Variants in DMD observed in about 807,000 individuals in gnomAD.
DMD encodes the protein dystrophin.
A neutral mutation model predicts 330.1 loss-of-function variants in DMD; 63 were observed. The observed-to-expected ratio is 0.19, with a 90% CI of 0.16 to 0.24. The LOEUF is 0.24. DMD is among the 10% of genes least tolerant of loss of function. DMD has a pLI of 1.00. For synonymous variants in DMD, 1,223 were observed against 959.8 expected (o/e 1.27, Z -5.07); for missense variants, 3,344 against 2,684.1 (o/e 1.25, Z -5.43).
intron 1 of DMD, among the ~76,000 whole-genome samples, chrX:33,155,212 C>A (rs2048447565): frequency 8.9e-6 from 1 of 111,751 alleles, no homozygotes; most frequent in African/African-American, 3.3e-5. Context: ...GGGAAAAATT[C>A]TCCTTTGGTG....
chrX:31,277,204 T>G (rs778711417), intron 62 of DMD, among the ~76,000 whole-genome samples: 15 of 111,362 alleles, frequency 1.3e-4, no homozygotes, highest in African/African-American at 4.9e-4. Flanking sequence ...AAATCTACTC[T>G]CTTAGCAATT....
chrX:31,169,686 A>G (rs2148186021), intron 73 of DMD, 85 bp from the exon 74 acceptor site: 3 of 898,644 alleles, frequency 3.3e-6, no homozygotes, highest in East Asian at 6.8e-5. Context: ...ATTTGAAAAT[A>G]GAAACATTTA....
chrX:33,299,138 T>C (rs1327924845), intron 1 of DMD, among the ~76,000 whole-genome samples: 1 of 112,029 alleles, frequency 8.9e-6, no homozygotes, highest in Non-Finnish European at 1.9e-5. Flanking sequence ...ATAAGCAAGG[T>C]CTGCAAATTT....
At chrX:32,697,768 G>A in intron 9 of DMD, 102 bp downstream of exon 9, 1 of 1,089,600 alleles carries the variant, frequency 9.2e-7, no homozygotes, top group Admixed American at 2.4e-5. Flanking sequence ...CTCTTCACGA[G>A]GAGATAAAAG....
intron 37 of DMD, among the ~76,000 whole-genome samples, chrX:32,360,675 T>G (rs2097829061): frequency 9.2e-6 from 1 of 108,621 alleles, no homozygotes; most frequent in Non-Finnish European, 1.9e-5. Flanking sequence ...TAATCCCAGC[T>G]ACTTGGGAGG....
Position 32,715,390 on chromosome X carries a change from T to C in DMD, c.650-16097A>G, listed in dbSNP as rs1367109367. 4.1e-5 allele frequency among the ~76,000 whole-genome samples: 4 copies of C among 98,449 alleles called. No homozygotes were observed. In the East Asian group the frequency reaches 1.3e-3, roughly 31 times the overall value. The allele number at this position is 98,449 out of a possible 115,157, so 85.5% of individuals were successfully genotyped here. On this transcript the variant is annotated intron_variant, in intron 7 of 78. Coordinates refer to ENST00000357033, the MANE Select transcript of DMD (RefSeq NM_004006.3). ...TATTCAGGAGGCTGAGGCAGGAGAA[T>C]CTCTTAAAGCCAGGAAGTGGAGGTT... is the stretch of plus-strand genomic sequence containing the variant.
chrX:32,297,140 T>C (rs1273112367), intron 42 of DMD, among the ~76,000 whole-genome samples: 1 of 111,626 alleles, frequency 9.0e-6, no homozygotes, highest in South Asian at 3.7e-4. Flanking sequence ...TACTATCTTC[T>C]AGGTTTCTCT....
intron 54 of DMD, among the ~76,000 whole-genome samples, chrX:31,657,097 T>C (rs762422668): frequency 8.9e-6 from 1 of 112,145 alleles, no homozygotes; most frequent in African/African-American, 3.2e-5. Context: ...TTGTTAAAAA[T>C]CACCGAGCTT....
chrX:32,320,549 G>A lies in DMD; in HGVS notation c.5923-10273C>T, dbSNP rs1035062621. Among the ~76,000 whole-genome samples, 9 of 111,227 alleles carry A rather than the reference G, an allele frequency of 8.1e-5. No individual in the cohort carries two copies. The Admixed American group carries it at 8.7e-4, about 11-fold the overall frequency. On this transcript the variant is annotated intron_variant, in intron 41 of 78. Transcript: ENST00000357033. ...GCCATCATCTCAGAAAGTTCTATAG[G>A]ACAGTGCTAATCTAGAGAATGACAA...
At chrX:31,147,025 T>C (rs1333485583) in intron 75 of DMD, among the ~76,000 whole-genome samples, 1 of 111,785 alleles carries the variant, frequency 8.9e-6, no homozygotes, top group Non-Finnish European at 1.9e-5. Context: ...GGCGTTTTTT[T>C]CCCCAAGATG....
rs916042350 is a variant in DMD, at chrX:33,083,643, G to T, written c.32-63443C>A. Among the ~76,000 whole-genome samples the T allele has an allele frequency of 2.3e-4, 26 of 111,669 alleles. 1 individual carries two copies. The highest frequency in any genetic ancestry group is 5.6e-5 in the Non-Finnish European group (3 of 53,136). ...ATCCCTTTCACATATTTAAACACAT[G>T]CAAAGACAAGAGGGACAGAAGGCCT... On this transcript the variant is annotated intron_variant, in intron 1 of 78. Transcript: ENST00000357033.
At chrX:32,863,993 A>T (rs2082290167) in intron 2 of DMD, among the ~76,000 whole-genome samples, 1 of 112,603 alleles carries the variant, frequency 8.9e-6, no homozygotes, top group Non-Finnish European at 1.9e-5. Flanking sequence ...TTTAAAGAAG[A>T]TCTTCTGTCA....
chrX:33,199,818 T>A (rs2051163830), intron 1 of DMD, among the ~76,000 whole-genome samples: 1 of 111,003 alleles, frequency 9.0e-6, no homozygotes, highest in African/African-American at 3.3e-5. Flanking sequence ...AGTGCACAGA[T>A]CTTAAAGACG....
At chrX:32,510,955 C>T (rs1329431328) in intron 18 of DMD, among the ~76,000 whole-genome samples, 3 of 109,916 alleles carry the variant, frequency 2.7e-5, no homozygotes, top group Admixed American at 1.9e-4. Flanking sequence ...TTTCATGGCT[C>T]TGATCTTCCA....
chrX:32,862,349 C>A (rs2082132650), intron 2 of DMD, among the ~76,000 whole-genome samples: 2 of 111,982 alleles, frequency 1.8e-5, no homozygotes, highest in Admixed American at 1.9e-4. Context: ...AACAGATGTG[C>A]ATTCGAACTT....
At chrX:33,013,036 C>CAACCCCCCCT (rs748810487) in intron 2 of DMD, among the ~76,000 whole-genome samples, 2 of 110,724 alleles carry the variant, frequency 1.8e-5, no homozygotes, top group African/African-American at 3.3e-5. Flanking sequence ...TCACTGTCTC[C>CAACCCCCCCT]AACCCCCCTG....
intron 1 of DMD, among the ~76,000 whole-genome samples, chrX:33,020,537 G>A (rs752280410): frequency 9.0e-6 from 1 of 111,533 alleles, no homozygotes; most frequent in East Asian, 2.8e-4. Flanking sequence ...AGCCAGGCAT[G>A]GTGGCATGCA....
chrX:32,500,440 C>T (rs2043936072), intron 19 of DMD, among the ~76,000 whole-genome samples: 1 of 111,444 alleles, frequency 9.0e-6, no homozygotes, highest in South Asian at 3.7e-4. Flanking sequence ...CCCGTAATTT[C>T]TAAATGTTTA....
At position 31,706,676 on chromosome X, in the gene DMD, T is replaced by C. The variant is rs142622311; in HGVS notation, c.7660+22955A>G. Among the ~76,000 whole-genome samples the C allele has an allele frequency of 3.6e-3, 399 of 112,053 alleles. 1 individual carries two copies. The East Asian group carries it at 0.043, about 12-fold the overall frequency. ...TTCCAGCTAGCAATAAACGCATCTA[T>C]GTTAGTCACTGTAGGCAGAACTAAT... is the stretch of plus-strand genomic sequence containing the variant. On this transcript the variant is annotated intron_variant, in intron 52 of 78. Coordinates refer to ENST00000357033, the MANE Select transcript of DMD (RefSeq NM_004006.3).
Sources: allele counts gnomAD v4.1 joint callset (sites outside exome capture counted in the v4.1 genomes callset), GRCh38; gene constraint gnomAD v4.1.1; transcripts MANE v1.5; gene names NCBI Gene and HGNC (gene_info 2026-07-23, HGNC 2026-07-21).